CNTLN: variants seen among roughly 807,000 people sequenced by gnomAD.
CNTLN encodes the protein centlein, centrosomal protein.
A neutral mutation model predicts 180.0 loss-of-function variants in CNTLN; 212 were observed. The observed-to-expected ratio is 1.18, with a 90% CI of 1.05 to 1.32. The LOEUF is 1.32. Among genes scored for constraint, CNTLN ranks in the 40% most tolerant of loss-of-function variants. The pLI is 0.00. For missense variants in CNTLN, 2,095 were observed against 1,610.9 expected, an observed-to-expected ratio of 1.30 and a Z score of -5.14; for synonymous variants, 722 against 563.1, an observed-to-expected ratio of 1.28 and a Z score of -3.99.
At chr9:17,256,467 G>C (rs1449993951) in intron 5 of CNTLN, among the ~76,000 whole-genome samples, 1 of 151,774 alleles carries the variant, frequency 6.6e-6, no homozygotes, top group Non-Finnish European at 1.5e-5. Flanking sequence ...ATTGGTGTGA[G>C]ATGGTATCTC....
At chr9:17,362,696 C>T (rs1319385667) in intron 12 of CNTLN, among the ~76,000 whole-genome samples, 1 of 151,876 alleles carries the variant, frequency 6.6e-6, no homozygotes, top group Non-Finnish European at 1.5e-5. Context: ...TGATGACTAT[C>T]TTTATTTTTA....
At position 17,409,376 on chromosome 9, in the gene CNTLN, G is replaced by A; in HGVS notation, c.2699G>A (p.Gly900Glu). The A allele has an allele frequency of 6.2e-7, 1 of 1,613,172 alleles. No individual in the cohort carries two copies. The highest frequency in any genetic ancestry group is 8.5e-7 in the Non-Finnish European group (1 of 1,179,444). Reference sequence around the variant, plus strand: ...CAGAAAATAAGTCCTACGGAAGATGGAAAAGACCAGAAAGAAAGTGATCCA... The same window carrying A: ...CAGAAAATAAGTCCTACGGAAGATGAAAAAGACCAGAAAGAAAGTGATCCA... ...TSQKISPTEDGKDQKESDPTE... is the reference protein window; with the variant it reads ...TSQKISPTEDEKDQKESDPTE... Residue 900 changes from glycine to glutamate, a missense_variant, in exon 16 of 26, where the codon GGA becomes GAA. Transcript: ENST00000380647.
chr9:17,327,464 A>G (rs35409098), intron 8 of CNTLN, among the ~76,000 whole-genome samples: 42,622 of 148,418 alleles, frequency 0.29, 6,500 homozygotes, highest in South Asian at 0.52. Context: ...GATTACAGGC[A>G]TGAGCCACCG....
intron 18 of CNTLN, among the ~76,000 whole-genome samples, chr9:17,452,870 C>T (rs1476562856): frequency 6.6e-6 from 1 of 152,078 alleles, no homozygotes; most frequent in East Asian, 1.9e-4. Context: ...CCTACAGTTG[C>T]AGCTGAGAGC....
At position 17,313,106 on chromosome 9, in the gene CNTLN, T is replaced by G. The variant is rs112858097; in HGVS notation, c.1341+3854T>G. Among the ~76,000 whole-genome samples the G allele has an allele frequency of 1.1e-3, 170 of 152,308 alleles. 3 individuals are homozygous for G. Among genetic ancestry groups the G allele is most frequent in the Non-Finnish European group, 1.1e-3 (72 of 68,016 alleles). ...ACTATAATATTTTGTTGGCTTGAAA[T>G]GTACCTTTATGATGTCAGTATAGCC... is the stretch of plus-strand genomic sequence containing the variant. On this transcript the variant is annotated intron_variant, in intron 8 of 25. Transcript: ENST00000380647.
At chr9:17,450,961 C>G (rs887706143) in intron 18 of CNTLN, among the ~76,000 whole-genome samples, 2 of 152,042 alleles carry the variant, frequency 1.3e-5, no homozygotes, top group African/African-American at 4.8e-5. Context: ...TTAATCTGAA[C>G]TATTTACCTT....
chr9:17,524,366 G>A, the CNTLN span, among the ~76,000 whole-genome samples: 2 of 152,316 alleles, frequency 1.3e-5, no homozygotes, highest in African/African-American at 2.4e-5. Context: ...GAAGACTGAT[G>A]TCCCAGCTCA....
intron 5 of CNTLN, among the ~76,000 whole-genome samples, chr9:17,254,659 G>T (rs1050546790): frequency 2.0e-5 from 3 of 151,458 alleles, no homozygotes; most frequent in Non-Finnish European, 4.4e-5. Flanking sequence ...CTGTATATCT[G>T]TATGTCAGTA....
intron 5 of CNTLN, among the ~76,000 whole-genome samples, chr9:17,248,952 C>T (rs1011773496): frequency 1.3e-5 from 2 of 151,792 alleles, no homozygotes; most frequent in African/African-American, 4.8e-5. Flanking sequence ...TTATTTGCAT[C>T]CTTTTTTTTC....
intron 2 of CNTLN, among the ~76,000 whole-genome samples, chr9:17,211,170 A>C (rs1357672587): frequency 2.0e-5 from 3 of 152,116 alleles, no homozygotes; most frequent in East Asian, 1.9e-4. Flanking sequence ...GTTTTCTTCT[A>C]GGGTTTTTAT....
intron 2 of CNTLN, chr9:17,168,219 A>G (rs1820208196): frequency 6.6e-6 from 1 of 152,172 alleles, no homozygotes; most frequent in Non-Finnish European, 1.5e-5. Flanking sequence ...TTATAATAGC[A>G]AGGGATACTA....
Position 17,135,472 on chromosome 9 carries a change from G to A in CNTLN, c.360+47G>A, listed in dbSNP as rs767151595. 6.5e-6 allele frequency: 10 copies of A among 1,540,562 alleles called. No individual in the cohort carries two copies. The Admixed American group carries it at 1.8e-4, about 28-fold the overall frequency. ...CCCCTTTCCCCACCACAGCGGGGCC[G>A]GGACCCGTGGGGAGGCGCGCCTTTC... is the stretch of plus-strand genomic sequence containing the variant. On this transcript the variant is annotated intron_variant, in intron 1 of 25. Coordinates refer to ENST00000380647, the MANE Select transcript of CNTLN (RefSeq NM_017738.4).
intron 2 of CNTLN, among the ~76,000 whole-genome samples, chr9:17,194,257 C>T (rs1192390899): frequency 2.0e-5 from 3 of 152,204 alleles, no homozygotes; most frequent in Non-Finnish European, 4.4e-5. Flanking sequence ...TTGAATTTCT[C>T]CTCAGAAAAT....
intron 18 of CNTLN, among the ~76,000 whole-genome samples, chr9:17,435,215 T>G (rs1829692504): frequency 6.6e-6 from 1 of 152,128 alleles, no homozygotes; most frequent in Admixed American, 6.5e-5. Flanking sequence ...GAATATTCAG[T>G]GGTTTTGTTT....
At chr9:17,216,788 A>C (rs1028492518) in intron 2 of CNTLN, among the ~76,000 whole-genome samples, 3 of 152,152 alleles carry the variant, frequency 2.0e-5, no homozygotes, top group Non-Finnish European at 2.9e-5. Flanking sequence ...ACCCTGTCCC[A>C]TGTGTATTAA....
chr9:17,431,159 A>T (rs908431149), intron 18 of CNTLN, among the ~76,000 whole-genome samples: 2 of 152,074 alleles, frequency 1.3e-5, no homozygotes, highest in African/African-American at 4.8e-5. Context: ...ACTAATTTGC[A>T]TGTCCATCAA....
chr9:17,356,196 T>C (rs1822831778), intron 12 of CNTLN, among the ~76,000 whole-genome samples: 1 of 152,178 alleles, frequency 6.6e-6, no homozygotes, highest in African/African-American at 2.4e-5. Flanking sequence ...GTTTTTCTTA[T>C]CAGGATCTGT....
At chr9:17,252,891 G>A (rs112993022) in intron 5 of CNTLN, among the ~76,000 whole-genome samples, 30,944 of 151,322 alleles carry the variant, frequency 0.2, 4,001 homozygotes, top group African/African-American at 0.36. Flanking sequence ...GTATTTTTCT[G>A]TTTCCATGTA....
chr9:17,441,927 A>T (rs1830133893), intron 18 of CNTLN, among the ~76,000 whole-genome samples: 1 of 152,186 alleles, frequency 6.6e-6, no homozygotes, highest in Admixed American at 6.5e-5. Flanking sequence ...ATCAAAAACC[A>T]TTATAAGAGA....
Sources: allele counts gnomAD v4.1 joint callset (sites outside exome capture counted in the v4.1 genomes callset), GRCh38; gene constraint gnomAD v4.1.1; transcripts MANE v1.5; gene names NCBI Gene and HGNC (gene_info 2026-07-23, HGNC 2026-07-21).